The following MAPKAP1 variants were observed in gnomAD, a reference collection of about 807,000 sequenced individuals.
MAPKAP1 encodes the protein target of rapamycin complex 2 subunit MAPKAP1.
Under a neutral mutation model 65.7 loss-of-function variants are expected in MAPKAP1, and 20 were observed. The observed-to-expected ratio is 0.30, with a 90% CI of 0.21 to 0.44. The LOEUF (loss-of-function observed/expected upper bound fraction) is 0.44. Among genes scored for constraint, MAPKAP1 ranks in the 20% least tolerant of loss-of-function variants. The pLI is 1.00. For missense variants in MAPKAP1, 423 were observed against 648.0 expected, an observed-to-expected ratio of 0.65 and a Z score of 3.77; for synonymous variants, 222 against 244.3, an observed-to-expected ratio of 0.91 and a Z score of 0.85.
At position 125,521,723 on chromosome 9, in the gene MAPKAP1, A is replaced by G. The variant is rs374865009; in HGVS notation, c.959-15306T>C. ...AGTTCAAACCCATTTTCCTTAACAC[A>G]GCCTTGACAGCCAGTGAAATTAGTG... On this transcript the variant is annotated intron_variant, in intron 7 of 11. Coordinates refer to ENST00000265960, the MANE Select transcript of MAPKAP1 (RefSeq NM_001006617.3). 1.8e-4 allele frequency: 283 copies of G among 1,612,554 alleles called. No homozygotes were observed. In the African/African-American group the frequency reaches 3.4e-3, roughly 19 times the overall value.
At chr9:125,445,443 G>C (rs763251289) in intron 10 of MAPKAP1, among the ~76,000 whole-genome samples, 3 of 152,244 alleles carry the variant, frequency 2.0e-5, no homozygotes, top group Non-Finnish European at 2.9e-5. Flanking sequence ...AAGATTTGCT[G>C]ATCCTGGGTG....
intron 9 of MAPKAP1, among the ~76,000 whole-genome samples, chr9:125,480,757 G>A (rs1403423271): frequency 1.3e-5 from 2 of 151,960 alleles, no homozygotes; most frequent in Non-Finnish European, 1.5e-5. Flanking sequence ...TGGATCACAA[G>A]GTCAGGAGAT....
intron 11 of MAPKAP1, among the ~76,000 whole-genome samples, chr9:125,444,113 T>C (rs964201412): frequency 2.6e-5 from 4 of 152,242 alleles, no homozygotes; most frequent in African/African-American, 7.2e-5. Flanking sequence ...ACCTTCAGCA[T>C]AATTATCTTC....
chr9:125,631,796 C>T (rs1833290128), intron 4 of MAPKAP1, among the ~76,000 whole-genome samples: 1 of 152,208 alleles, frequency 6.6e-6, no homozygotes, highest in South Asian at 2.1e-4. Context: ...TACACCAGCA[C>T]TTCACCTACC....
In MAPKAP1 at chr9:125,707,152, T is replaced by A. The variant is rs1197360695; in HGVS notation, c.-251A>T. The A allele has an allele frequency of 2.5e-6, 1 of 398,020 alleles. No individual in the cohort carries two copies. Among genetic ancestry groups the A allele is most frequent in the African/African-American group, 2.1e-5 (1 of 48,606 alleles). 24.7% of individuals were successfully genotyped at this position (398,020 alleles called of 1,614,324 possible). ...CCCGGGTTAGCCCTCATGCCCCTGC[T>A]GCTCGCCGCCGCCGGCCGGCCGAGC... is the stretch of plus-strand genomic sequence containing the variant. On this transcript the variant is annotated 5_prime_UTR_variant, in exon 1 of 12. Coordinates refer to ENST00000265960, the MANE Select transcript of MAPKAP1 (RefSeq NM_001006617.3).
chr9:125,509,640 T>C (rs1352601622), intron 7 of MAPKAP1, among the ~76,000 whole-genome samples: 3 of 152,198 alleles, frequency 2.0e-5, no homozygotes, highest in Non-Finnish European at 4.4e-5. Flanking sequence ...CTGGCATGTG[T>C]ACTCTGAGAG....
intron 7 of MAPKAP1, among the ~76,000 whole-genome samples, chr9:125,514,031 A>G (rs1384150766): frequency 1.3e-5 from 2 of 152,222 alleles, no homozygotes; most frequent in East Asian, 1.9e-4. Flanking sequence ...ACAGATATCA[A>G]AGGACACGTG....
intron 4 of MAPKAP1, among the ~76,000 whole-genome samples, chr9:125,653,936 C>G (rs1833961578): frequency 6.6e-6 from 1 of 152,076 alleles, no homozygotes; most frequent in Non-Finnish European, 1.5e-5. Context: ...GGTACTTGAA[C>G]TTCTGATGGT....
chr9:125,669,350 T>C (rs945779330), intron 3 of MAPKAP1, among the ~76,000 whole-genome samples: 2 of 151,774 alleles, frequency 1.3e-5, no homozygotes, highest in South Asian at 4.2e-4. Flanking sequence ...TGTGGTGGCA[T>C]GCGCCTGTAA....
chr9:125,608,957 C>A (rs893162453), intron 4 of MAPKAP1, among the ~76,000 whole-genome samples: 5 of 152,174 alleles, frequency 3.3e-5, no homozygotes, highest in African/African-American at 1.2e-4. Context: ...GTGGGTTACA[C>A]AATTCCCTCT....
At chr9:125,693,814 CATAT>C (rs1217196453) in intron 1 of MAPKAP1, among the ~76,000 whole-genome samples, 27 of 140,534 alleles carry the variant, frequency 1.9e-4, no homozygotes, top group African/African-American at 3.7e-4. Flanking sequence ...TATACACACA[CATAT>C]ACACACACAC....
At chr9:125,483,946 G>C (rs965004378) in intron 9 of MAPKAP1, among the ~76,000 whole-genome samples, 5 of 152,164 alleles carry the variant, frequency 3.3e-5, no homozygotes, top group Non-Finnish European at 7.4e-5. Flanking sequence ...TCCGGTTTAA[G>C]TCAAAACAGA....
intron 4 of MAPKAP1, among the ~76,000 whole-genome samples, chr9:125,648,856 G>A (rs148861138): frequency 1.1e-4 from 17 of 151,956 alleles, no homozygotes; most frequent in Admixed American, 9.2e-4. Context: ...TAGGAGAATC[G>A]CTTAAACCCG....
intron 9 of MAPKAP1, among the ~76,000 whole-genome samples, chr9:125,478,623 C>A (rs954951921): frequency 2.0e-5 from 3 of 152,154 alleles, no homozygotes; most frequent in Non-Finnish European, 4.4e-5. Flanking sequence ...AGCCATCCTG[C>A]CCAGTCTGGG....
At position 125,503,880 on chromosome 9, in the gene MAPKAP1, C is replaced by CTTTTTTTTTTTTTTTTTTTTTT. The variant is rs35867576; in HGVS notation, c.1066+2408_1066+2429dup. ...TATAGGCACCCGCCACCACGCTTGG[C>CTTTTTTTTTTTTTTTTTTTTTT]TTTTTTTTTTTTTTTTTTTTTTTTT... On this transcript the variant is annotated intron_variant, in intron 8 of 11. Coordinates refer to ENST00000265960, the MANE Select transcript of MAPKAP1 (RefSeq NM_001006617.3). Among the ~76,000 whole-genome samples, 23 of 66,248 alleles carry CTTTTTTTTTTTTTTTTTTTTTT rather than the reference C, an allele frequency of 3.5e-4. 3 individuals carry two copies. The highest frequency in any genetic ancestry group is 1.3e-3 in the African/African-American group (16 of 12,596). 43.5% of individuals were successfully genotyped at this position (66,248 alleles called of 152,430 possible). A position where few individuals can be genotyped will look rare whatever the true frequency, so the allele number is the denominator to read the frequency against.
In MAPKAP1 at chr9:125,494,424, A is replaced by G. The variant is rs528338541; in HGVS notation, c.1067-9841T>C. Among the ~76,000 whole-genome samples, 5 of 152,302 alleles carry G rather than the reference A, an allele frequency of 3.3e-5. No individual in the cohort carries two copies. In the East Asian group the frequency reaches 9.6e-4, roughly 29 times the overall value. ...CACCGGGGTAGGGATCTTTGCTGTC[A>G]GTGCTTAATTGATTAAACTCTTGGA... On this transcript the variant is annotated intron_variant, in intron 8 of 11. Transcript: ENST00000265960.
At chr9:125,524,584 G>C (rs1463096283) in intron 7 of MAPKAP1, among the ~76,000 whole-genome samples, 1 of 152,168 alleles carries the variant, frequency 6.6e-6, no homozygotes, top group African/African-American at 2.4e-5. Context: ...AAAACAAAAA[G>C]GTAAAAGCAA....
intron 9 of MAPKAP1, chr9:125,478,243 C>T (rs115625359): frequency 0.03 from 4,492 of 152,138 alleles, 80 homozygotes; most frequent in South Asian, 0.057. Context: ...ATACTAGGGG[C>T]GGGAGAAGAG....
At chr9:125,642,611 A>C (rs1833611114) in intron 4 of MAPKAP1, among the ~76,000 whole-genome samples, 1 of 152,218 alleles carries the variant, frequency 6.6e-6, no homozygotes, top group South Asian at 2.1e-4. Context: ...GTTCTGAGAA[A>C]TCTTCACCTT....
Sources: gnomAD v4.1 joint callset for allele counts (sites outside exome capture counted in the v4.1 genomes callset) on GRCh38, gnomAD v4.1.1 for gene constraint, MANE v1.5 for transcripts, NCBI Gene and HGNC (gene_info 2026-07-23, HGNC 2026-07-21) for gene names.